Variants in FAM3D observed in about 807,000 individuals in gnomAD.
FAM3D encodes protein FAM3D.
A neutral mutation model predicts 29.8 loss-of-function variants in FAM3D; 26 were observed. That is an observed-to-expected ratio of 0.87 (90% CI 0.64 to 1.21). The LOEUF (loss-of-function observed/expected upper bound fraction) is 1.21, where lower values mean the gene tolerates loss of function less well. Ranked by LOEUF, FAM3D falls within the 50% of genes most tolerant of loss-of-function variation. The pLI, the probability that FAM3D is intolerant of heterozygous loss-of-function variation, is 0.00. For missense variants in FAM3D, 253 were observed against 290.9 expected, an observed-to-expected ratio of 0.87 and a Z score of 0.95; for synonymous variants, 115 against 102.3, an observed-to-expected ratio of 1.12 and a Z score of -0.75.
chr3:58,636,143 C>G (rs1575467259), intron 9 of FAM3D, 151 bp downstream of exon 9: 2 of 1,279,206 alleles, frequency 1.6e-6, no homozygotes, highest in East Asian at 4.8e-5. Context: ...TCAGACCACC[C>G]TGGCCTTTGG....
rs755769086 is a variant in FAM3D, at chr3:58,643,696, A to G, written c.288T>C (p.Asn96=). The G allele has an allele frequency of 6.8e-6, 11 of 1,613,898 alleles. No individual in the cohort carries two copies. The highest frequency in any genetic ancestry group is 9.3e-6 in the Non-Finnish European group (11 of 1,180,028). The part of the protein sequence containing the change: ...DRMIMSPVKN[N]VGRGLNIALV... ...GGGCGATGTTTAGGCCTCTGCCCAC[A>G]TTGTTTTTCACAGGACTCATGATCC... The change falls in exon 6 of 10, where the codon AAT becomes AAC. Residue 96 remains asparagine, a synonymous_variant. Coordinates refer to ENST00000358781, the MANE Select transcript of FAM3D (RefSeq NM_138805.3).
chr3:58,647,098 C>T (rs1352843612), intron 4 of FAM3D, among the ~76,000 whole-genome samples: 2 of 152,232 alleles, frequency 1.3e-5, no homozygotes, highest in African/African-American at 2.4e-5. Flanking sequence ...GGTTTCCCTC[C>T]ACTGAGCAGG....
chr3:58,634,028 T>C lies in FAM3D; in HGVS notation c.*251A>G, dbSNP rs969126468. The C allele has an allele frequency of 2.1e-6, 1 of 472,504 alleles. No individual in the cohort carries two copies. The highest frequency in any genetic ancestry group is 2.0e-5 in the African/African-American group (1 of 49,380). The allele number at this position is 472,504 out of a possible 1,614,324, so 29.3% of individuals were successfully genotyped here. On this transcript the variant is annotated 3_prime_UTR_variant, in exon 10 of 10. Coordinates refer to ENST00000358781, the MANE Select transcript of FAM3D (RefSeq NM_138805.3). The surrounding 1 kb of genome is among the most constrained non-coding windows in gnomAD (Gnocchi z 4.6). The stretch of plus-strand genomic sequence containing the variant: ...CTCAGGACCAGCCGTCAGCAGTCCC[T>C]GACGAAAGCACCCCATTCTCTCCAC...
rs138990348 is a variant in FAM3D at position 58,650,196 on chromosome 3, C to G, written c.122-858G>C. On this transcript the variant is annotated intron_variant, in intron 3 of 9. Coordinates refer to ENST00000358781, the MANE Select transcript of FAM3D (RefSeq NM_138805.3). ...AGCAGAAATCCTAGGGGAAGAAACT[C>G]TCCTTTTTTGGGGGAACCCCCCCCA... Among the ~76,000 whole-genome samples the G allele has an allele frequency of 4.7e-3, 711 of 152,292 alleles. 10 individuals carry two copies. Among genetic ancestry groups the G allele is most frequent in the Non-Finnish European group, 4.1e-3 (278 of 68,016 alleles).
intron 2 of FAM3D, among the ~76,000 whole-genome samples, chr3:58,654,036 T>A (rs527743917): frequency 4.5e-4 from 69 of 152,232 alleles, no homozygotes; most frequent in Non-Finnish European, 7.9e-4. Context: ...AAAATGTGCC[T>A]GCCTGGGCTC....
chr3:58,640,008 G>A, intron 7 of FAM3D, 119 bp downstream of exon 7: 6 of 1,030,098 alleles, frequency 5.8e-6, no homozygotes, highest in Non-Finnish European at 9.1e-6. Flanking sequence ...CTTCCTGGGT[G>A]CCTCCTGTGG....
At chr3:58,643,601 G>A (rs1349528462) in intron 6 of FAM3D, 61 bp downstream of exon 6, 8 of 1,542,412 alleles carry the variant, frequency 5.2e-6, no homozygotes, top group Middle Eastern at 2.2e-4. Flanking sequence ...TGAATATGCC[G>A]CTACCCCCTA....
At chr3:58,658,561 G>T (rs892860726) in intron 1 of FAM3D, among the ~76,000 whole-genome samples, 2 of 152,274 alleles carry the variant, frequency 1.3e-5, no homozygotes, top group Admixed American at 6.5e-5. Context: ...AATCCTTCAG[G>T]TCTCATTGGA....
intron 6 of FAM3D, among the ~76,000 whole-genome samples, chr3:58,643,078 G>A (rs115155600): frequency 8.5e-5 from 13 of 152,324 alleles, no homozygotes; most frequent in Non-Finnish European, 1.8e-4. Flanking sequence ...ACCACCCGGG[G>A]TCTGTCCCCT....
chr3:58,666,188 G>C (rs1393593389), intron 1 of FAM3D, among the ~76,000 whole-genome samples: 2 of 152,134 alleles, frequency 1.3e-5, no homozygotes, highest in Non-Finnish European at 2.9e-5. Context: ...AATAAATGTT[G>C]AGGGGCCCCT....
At position 58,636,350 on chromosome 3, in the gene FAM3D, C is replaced by A; in HGVS notation, c.529G>T (p.Asp177Tyr). 6.2e-7 allele frequency: 1 copy of A among 1,614,198 alleles called. No homozygotes were observed. Among genetic ancestry groups the A allele is most frequent in the Non-Finnish European group, 8.5e-7 (1 of 1,180,032 alleles). Reference sequence around the variant, plus strand: ...TTGGCTCCTATGAAGACCCAGCTGTCCCGGAAGCCCAGTTGTTTTGCGTAG... The same window carrying A: ...TTGGCTCCTATGAAGACCCAGCTGTACCGGAAGCCCAGTTGTTTTGCGTAG... The part of the protein sequence containing the change: ...SSYAKQLGFR[D>Y]SWVFIGAKDL... Residue 177 changes from aspartate (D) to tyrosine (Y), a missense_variant, in exon 9 of 10, where the codon GAC becomes TAC. Asp to Tyr is a radical substitution (Grantham distance 160). Transcript: ENST00000358781.
At chr3:58,656,350 T>A (rs1345039334) in intron 1 of FAM3D, among the ~76,000 whole-genome samples, 1 of 152,220 alleles carries the variant, frequency 6.6e-6, no homozygotes, top group Non-Finnish European at 1.5e-5. Context: ...AGCCAGAATT[T>A]GGATGCAGGT....
intron 3 of FAM3D, among the ~76,000 whole-genome samples, chr3:58,651,064 G>C (rs970145258): frequency 1.3e-5 from 2 of 152,172 alleles, no homozygotes; most frequent in Non-Finnish European, 2.9e-5. Context: ...AGGCACAGGG[G>C]TTCTTAATCT....
intron 5 of FAM3D, 119 bp from the exon 6 acceptor site, chr3:58,643,839 A>G (rs1392026433): frequency 1.2e-6 from 1 of 850,570 alleles, no homozygotes; most frequent in Non-Finnish European, 2.0e-6. Context: ...ATTGGGAAAC[A>G]CATGCAATAA....
chr3:58,638,232 T>C (rs574771549), intron 7 of FAM3D, among the ~76,000 whole-genome samples: 2 of 152,388 alleles, frequency 1.3e-5, no homozygotes, highest in Admixed American at 6.5e-5. Flanking sequence ...TAACAAGTGA[T>C]AATAGCTTTC....
At position 58,637,182 on chromosome 3, in the gene FAM3D, A is replaced by C. The variant is rs758620063; in HGVS notation, c.417T>G (p.Gly139=). 17 of 1,613,882 alleles carry C rather than the reference A, an allele frequency of 1.1e-5. No individual in the cohort carries two copies. Among genetic ancestry groups the C allele is most frequent in the South Asian group, 2.2e-5 (2 of 91,008 alleles). ...LVKFLKEIPG[G]ALVLVASYDD... is the part of the protein sequence containing the mutation. Reference sequence around the variant, plus strand: ...CGTAGGAGGCCACCAGCACCAGTGCACCCCCCGGAATTTCTTTAAGGAATT... The same window carrying C: ...CGTAGGAGGCCACCAGCACCAGTGCCCCCCCCGGAATTTCTTTAAGGAATT... The change falls in exon 8 of 10, where the codon GGT becomes GGG. Residue 139 remains glycine (G), a synonymous_variant. Coordinates refer to ENST00000358781, the MANE Select transcript of FAM3D (RefSeq NM_138805.3).
chr3:58,641,319 A>G (rs1317379772), intron 6 of FAM3D, among the ~76,000 whole-genome samples: 1 of 152,018 alleles, frequency 6.6e-6, no homozygotes, highest in East Asian at 1.9e-4. Flanking sequence ...TCCAGGTTCA[A>G]ACGTAGGTGG....
chr3:58,640,426 TG>T (rs2066295333), intron 6 of FAM3D, among the ~76,000 whole-genome samples: 1 of 152,198 alleles, frequency 6.6e-6, no homozygotes, highest in South Asian at 2.1e-4. Context: ...TCTGAGTCGG[TG>T]TTCTGTCCTA....
At chr3:58,660,075 G>A (rs991532783) in intron 1 of FAM3D, among the ~76,000 whole-genome samples, 1 of 152,200 alleles carries the variant, frequency 6.6e-6, no homozygotes, top group Non-Finnish European at 1.5e-5. Context: ...ATGAGTGCGG[G>A]AGATGGAAAC....
Sources: gnomAD v4.1 joint callset for allele counts (sites outside exome capture counted in the v4.1 genomes callset) on GRCh38, gnomAD v4.1.1 for gene constraint, Gnocchi (gnomAD v3.1) non-coding constraint, MANE v1.5 for transcripts, NCBI Gene and HGNC (gene_info 2026-07-23, HGNC 2026-07-21) for gene names.